The following ATAD2B variants were observed in gnomAD, a reference collection of about 807,000 sequenced individuals.
ATAD2B encodes ATPase family AAA domain-containing protein 2B.
A neutral mutation model predicts 167.6 loss-of-function variants in ATAD2B; 40 were observed. That is an observed-to-expected ratio of 0.24 (90% CI 0.19 to 0.31). The LOEUF (loss-of-function observed/expected upper bound fraction) is 0.31, where lower values mean the gene tolerates loss of function less well. Ranked by LOEUF, ATAD2B falls within the 10% of genes least tolerant of loss-of-function variation. ATAD2B has a pLI of 1.00. For synonymous variants in ATAD2B, 579 were observed against 596.5 expected, an observed-to-expected ratio of 0.97 and a Z score of 0.43; for missense variants, 1,242 against 1,757.2, an observed-to-expected ratio of 0.71 and a Z score of 5.24.
chr2:23,726,564 CA>C, the ATAD2B span, among the ~76,000 whole-genome samples: 1 of 152,160 alleles, frequency 6.6e-6, no homozygotes, highest in East Asian at 1.9e-4. Flanking sequence ...TTTGCTGTCT[CA>C]GGGGTGGCAG....
chr2:23,725,231 A>G, the ATAD2B span, among the ~76,000 whole-genome samples: 5 of 152,316 alleles, frequency 3.3e-5, no homozygotes, highest in East Asian at 9.6e-4. Context: ...TTCTTCGGAA[A>G]TAAAGGCAAA....
chr2:23,678,961 T>C, the ATAD2B span, among the ~76,000 whole-genome samples: 4 of 150,962 alleles, frequency 2.6e-5, no homozygotes, highest in African/African-American at 9.8e-5. Flanking sequence ...TTTGTGAAGA[T>C]GAAAAGGATT....
At chr2:23,712,176 G>A in the ATAD2B span, among the ~76,000 whole-genome samples, 1 of 152,152 alleles carries the variant, frequency 6.6e-6, no homozygotes, top group African/African-American at 2.4e-5. Context: ...TGAGACTCCA[G>A]GAGCTCGCAC....
chr2:23,856,959 G>A (rs551235416), intron 13 of ATAD2B, among the ~76,000 whole-genome samples: 8 of 151,148 alleles, frequency 5.3e-5, no homozygotes, highest in East Asian at 2.0e-4. Context: ...CTGTAATCTC[G>A]GCACTTTGGG....
rs1208793428 is a variant in ATAD2B, at chr2:23,841,170, C to T, written c.1569-7092G>A. 2.2e-5 allele frequency among the ~76,000 whole-genome samples: 3 copies of T among 134,310 alleles called. No individual in the cohort carries two copies. In the East Asian group the frequency reaches 6.6e-4, roughly 30 times the overall value. The allele number at this position is 134,310 out of a possible 152,430, so 88.1% of individuals were successfully genotyped here. ...CCCAGGCTGGTCTTGAATTCCTGGG[C>T]TTAAATGATCCTCCTACCCTTAGCC... On this transcript the variant is annotated intron_variant, in intron 13 of 27. Transcript: ENST00000238789.
At position 23,760,695 on chromosome 2, in the gene ATAD2B, T is replaced by C. The variant is rs1468735083; in HGVS notation, c.3394+1514A>G. 1.5e-3 allele frequency among the ~76,000 whole-genome samples: 116 copies of C among 76,562 alleles called. 2 individuals carry two copies. Among genetic ancestry groups the C allele is most frequent in the African/African-American group, 4.1e-3 (104 of 25,318 alleles). The allele number at this position is 76,562 out of a possible 152,430, so 50.2% of individuals were successfully genotyped here. A position where few individuals can be genotyped will look rare whatever the true frequency, so the allele number is the denominator to read the frequency against. ...AAAAAAAAAAATAAATAAATTTATA[T>C]ATATACACACACACACACACACACA... On this transcript the variant is annotated intron_variant, in intron 24 of 27. Coordinates refer to ENST00000238789, the MANE Select transcript of ATAD2B (RefSeq NM_017552.4).
chr2:23,812,199 G>T (rs1685702206), intron 17 of ATAD2B, among the ~76,000 whole-genome samples: 1 of 151,262 alleles, frequency 6.6e-6, no homozygotes, highest in Non-Finnish European at 1.5e-5. Flanking sequence ...ACCAAAAACT[G>T]TCAGAATCTA....
chr2:23,905,789 C>T (rs1033962896), intron 1 of ATAD2B, among the ~76,000 whole-genome samples: 2 of 152,136 alleles, frequency 1.3e-5, no homozygotes, highest in East Asian at 1.9e-4. Flanking sequence ...TCATTCCTTC[C>T]ACAAACAAAA....
At chr2:23,860,841 G>C (rs1246631094) in intron 12 of ATAD2B, among the ~76,000 whole-genome samples, 1 of 152,114 alleles carries the variant, frequency 6.6e-6, no homozygotes, top group Non-Finnish European at 1.5e-5. Flanking sequence ...CATGGTGGCA[G>C]GTGCCCATAA....
chr2:23,779,088 C>A (rs1268440246), intron 22 of ATAD2B, among the ~76,000 whole-genome samples: 3 of 152,008 alleles, frequency 2.0e-5, no homozygotes, highest in Non-Finnish European at 2.9e-5. Context: ...TGGCATCCAA[C>A]TGAAGAAGGT....
chr2:23,860,119 C>G (rs1694117483), intron 12 of ATAD2B, among the ~76,000 whole-genome samples: 1 of 151,376 alleles, frequency 6.6e-6, no homozygotes, highest in African/African-American at 2.4e-5. Context: ...CTTGTGCATT[C>G]TCTCTCTCTC....
chr2:23,858,401 G>T (rs1475082088), intron 12 of ATAD2B, among the ~76,000 whole-genome samples: 2 of 151,232 alleles, frequency 1.3e-5, no homozygotes, highest in East Asian at 2.0e-4. Context: ...GATTACAGGC[G>T]TGAGCCACCG....
chr2:23,841,098 A>ATTTTTT (rs572061183), intron 13 of ATAD2B, among the ~76,000 whole-genome samples: 13 of 117,180 alleles, frequency 1.1e-4, no homozygotes, highest in Middle Eastern at 5.2e-3. Flanking sequence ...ATGCATGGCT[A>ATTTTTT]TTTTTTTTTT....
At chr2:23,742,368 G>A in the ATAD2B span, among the ~76,000 whole-genome samples, 8 of 126,422 alleles carry the variant, frequency 6.3e-5, no homozygotes, top group Non-Finnish European at 1.4e-4. Context: ...GGAATACTAT[G>A]CAGCCATAAA....
chr2:23,872,372 T>C, intron 8 of ATAD2B: 2 of 658,218 alleles, frequency 3.0e-6, no homozygotes, highest in Non-Finnish European at 5.7e-6. Flanking sequence ...ATGGGAATAC[T>C]AGTCGGCAGG....
the ATAD2B span, among the ~76,000 whole-genome samples, chr2:23,717,040 C>T: frequency 6.6e-6 from 1 of 152,140 alleles, no homozygotes; most frequent in African/African-American, 2.4e-5. Flanking sequence ...TTTTAATCAT[C>T]CAGAATTGCC....
chr2:23,730,096 G>GT, the ATAD2B span, among the ~76,000 whole-genome samples: 65 of 151,910 alleles, frequency 4.3e-4, no homozygotes, highest in Admixed American at 1.5e-3. Flanking sequence ...AGAATACACA[G>GT]TTTTTTTTCA....
intron 16 of ATAD2B, among the ~76,000 whole-genome samples, chr2:23,821,020 G>A (rs557924927): frequency 1.3e-5 from 2 of 152,218 alleles, no homozygotes; most frequent in African/African-American, 2.4e-5. Flanking sequence ...TATCTTTTGA[G>A]TGATAATTTC....
At chr2:23,703,348 C>A in the ATAD2B span, 1 of 1,528,494 alleles carries the variant, frequency 6.5e-7, no homozygotes, top group Non-Finnish European at 8.8e-7. Flanking sequence ...CTCAGACCAA[C>A]ACGTGGAGCT....
Sources: gnomAD v4.1 joint callset for allele counts (sites outside exome capture counted in the v4.1 genomes callset) on GRCh38, gnomAD v4.1.1 for gene constraint, MANE v1.5 for transcripts, NCBI Gene and HGNC (gene_info 2026-07-23, HGNC 2026-07-21) for gene names.